The following SYN2 variants were observed in gnomAD, a reference collection of about 807,000 sequenced individuals.
SYN2 encodes synapsin II.
In SYN2, 19 loss-of-function variants were observed where a neutral mutation model predicts 50.9. The ratio of observed to expected loss-of-function variants is 0.37; its 90% CI spans 0.26 to 0.55. The LOEUF (loss-of-function observed/expected upper bound fraction) is 0.55, where lower values mean the gene tolerates loss of function less well. SYN2 is among the 20% of genes least tolerant of loss of function. The pLI is 0.81. For missense variants in SYN2, 587 were observed against 576.4 expected, an observed-to-expected ratio of 1.02 and a Z score of -0.19; for synonymous variants, 255 against 224.9, an observed-to-expected ratio of 1.13 and a Z score of -1.20.
At chr3:12,117,034 C>T (rs1302400673) in intron 1 of SYN2, among the ~76,000 whole-genome samples, 1 of 152,140 alleles carries the variant, frequency 6.6e-6, no homozygotes, top group African/African-American at 2.4e-5. Context: ...TATAGGCATT[C>T]ACCACCACAC....
At chr3:12,049,532 T>TGATAAAA (rs1694811287) in intron 1 of SYN2, among the ~76,000 whole-genome samples, 1 of 150,546 alleles carries the variant, frequency 6.6e-6, no homozygotes, top group South Asian at 2.1e-4. Flanking sequence ...AAAAAAAAAA[T>TGATAAAA]AATAAAAAAT....
At chr3:12,062,951 G>A (rs1444556550) in intron 1 of SYN2, among the ~76,000 whole-genome samples, 2 of 151,984 alleles carry the variant, frequency 1.3e-5, no homozygotes, top group Non-Finnish European at 2.9e-5. Flanking sequence ...AATCTTAAAT[G>A]CATATTGCTA....
intron 1 of SYN2, among the ~76,000 whole-genome samples, chr3:12,121,613 GGGAGGAAA>G (rs1331017995): frequency 1.5e-4 from 23 of 150,412 alleles, no homozygotes; most frequent in African/African-American, 5.6e-4. Flanking sequence ...AAGGAAGGAA[GGGAGGAAA>G]GGAGGAAAGA....
At chr3:12,072,188 CTTT>C (rs1271473636) in intron 1 of SYN2, among the ~76,000 whole-genome samples, 1 of 151,978 alleles carries the variant, frequency 6.6e-6, no homozygotes, top group African/African-American at 2.4e-5. Context: ...ATTCGGTTGT[CTTT>C]TTATTATTGA....
chr3:12,107,483 A>G (rs1696218297), intron 1 of SYN2, among the ~76,000 whole-genome samples: 1 of 152,204 alleles, frequency 6.6e-6, no homozygotes, highest in South Asian at 2.1e-4. Context: ...CGGTGTAATA[A>G]TGTCACTGTA....
intron 1 of SYN2, among the ~76,000 whole-genome samples, chr3:12,069,502 C>T (rs531748913): frequency 1.3e-5 from 2 of 152,254 alleles, no homozygotes; most frequent in Non-Finnish European, 2.9e-5. Flanking sequence ...CCGCCTCAGC[C>T]TCCCAAAGTG....
chr3:12,087,593 G>GA (rs532281993), intron 1 of SYN2, among the ~76,000 whole-genome samples: 1,778 of 148,662 alleles, frequency 0.012, 38 homozygotes, highest in African/African-American at 0.02. Context: ...TACAAAAAAG[G>GA]AAAAAAAAAA....
chr3:12,189,277 G>T (rs577416550), intron 12 of SYN2, among the ~76,000 whole-genome samples: 3 of 152,212 alleles, frequency 2.0e-5, no homozygotes, highest in Non-Finnish European at 4.4e-5. Flanking sequence ...TGGAGTACAG[G>T]CTGGGCCTCC....
At chr3:12,078,669 G>A (rs1162224029) in intron 1 of SYN2, among the ~76,000 whole-genome samples, 1 of 152,078 alleles carries the variant, frequency 6.6e-6, no homozygotes, top group African/African-American at 2.4e-5. Flanking sequence ...CTATGTGTCT[G>A]TTTTTGTACC....
chr3:12,115,503 T>G (rs1243021488), intron 1 of SYN2, among the ~76,000 whole-genome samples: 2 of 152,158 alleles, frequency 1.3e-5, no homozygotes, highest in Admixed American at 1.3e-4. Context: ...AAGCGTGAAT[T>G]TTTGTGCCAT....
chr3:12,073,406 G>T lies in SYN2; in HGVS notation c.378-67245G>T, dbSNP rs1281819574. On this transcript the variant is annotated intron_variant, in intron 1 of 12. Coordinates refer to ENST00000621198, the MANE Select transcript of SYN2 (RefSeq NM_133625.6). ...TCCAGAGACTTTTGGAGGTTCCATG[G>T]TATAAACCAGGCTGCTTTTTCCCAC... is the stretch of plus-strand genomic sequence containing the variant. 3.9e-5 allele frequency among the ~76,000 whole-genome samples: 6 copies of T among 152,100 alleles called. No individual in the cohort carries two copies. The East Asian group carries it at 1.2e-3, about 29-fold the overall frequency.
intron 1 of SYN2, among the ~76,000 whole-genome samples, chr3:12,112,507 C>A (rs538762947): frequency 5.3e-5 from 8 of 152,148 alleles, no homozygotes; most frequent in African/African-American, 1.7e-4. Context: ...AGTGGAGTTA[C>A]AAGTCTGTTA....
At chr3:12,058,993 A>T (rs1695056460) in intron 1 of SYN2, among the ~76,000 whole-genome samples, 1 of 152,174 alleles carries the variant, frequency 6.6e-6, no homozygotes, top group Non-Finnish European at 1.5e-5. Context: ...AGTGTATCTA[A>T]ATCTACCTGT....
intron 1 of SYN2, among the ~76,000 whole-genome samples, chr3:12,114,045 C>T (rs1404564352): frequency 6.7e-6 from 1 of 150,214 alleles, no homozygotes; most frequent in Non-Finnish European, 1.5e-5. Flanking sequence ...TATATTCCCA[C>T]CAAGAGTGTA....
chr3:12,005,934 G>A (rs1243832135), intron 1 of SYN2, among the ~76,000 whole-genome samples: 1 of 151,954 alleles, frequency 6.6e-6, no homozygotes, highest in African/African-American at 2.4e-5. Context: ...GAAGGGCTTG[G>A]AGAAATGAAG....
At chr3:12,161,672 A>G in intron 6 of SYN2, 64 bp downstream of exon 6, 1 of 1,537,014 alleles carries the variant, frequency 6.5e-7, no homozygotes, top group Non-Finnish European at 9.0e-7. Context: ...CAGAGCGCCC[A>G]TTTGTGAACT....
At chr3:12,128,326 A>G (rs1574955416) in intron 1 of SYN2, among the ~76,000 whole-genome samples, 1 of 152,130 alleles carries the variant, frequency 6.6e-6, no homozygotes, top group East Asian at 1.9e-4. Flanking sequence ...ATCCTGTTAT[A>G]TCACTTAGGG....
At chr3:12,180,595 G>A (rs59051694) in intron 10 of SYN2, among the ~76,000 whole-genome samples, 7,085 of 152,240 alleles carry the variant, frequency 0.047, 580 homozygotes, top group African/African-American at 0.16. Flanking sequence ...CCTGGCAAGG[G>A]ACAGTCCTTG....
intron 5 of SYN2, among the ~76,000 whole-genome samples, chr3:12,155,699 A>AT (rs1157841035): frequency 5.9e-5 from 9 of 152,154 alleles, no homozygotes; most frequent in Admixed American, 2.6e-4. Flanking sequence ...TTCTTAGACT[A>AT]TTTTTTGTCA....
Sources: allele counts gnomAD v4.1 joint callset (sites outside exome capture counted in the v4.1 genomes callset), GRCh38; gene constraint gnomAD v4.1.1; transcripts MANE v1.5; gene names NCBI Gene and HGNC (gene_info 2026-07-23, HGNC 2026-07-21).